Variants in G3BP2 observed in about 807,000 individuals in gnomAD.
G3BP2 encodes the protein ras GTPase-activating protein-binding protein 2.
Under a neutral mutation model 56.7 loss-of-function variants are expected in G3BP2, and 11 were observed. The ratio of observed to expected loss-of-function variants is 0.19; its 90% CI spans 0.12 to 0.32. The LOEUF (loss-of-function observed/expected upper bound fraction) is 0.32. Among genes scored for constraint, G3BP2 ranks in the 10% least tolerant of loss-of-function variants. The pLI is 1.00. For missense variants in G3BP2, 340 were observed against 610.9 expected (o/e 0.56, Z 4.67); for synonymous variants, 165 against 191.6 (o/e 0.86, Z 1.15).
intron 2 of G3BP2, among the ~76,000 whole-genome samples, chr4:75,661,107 T>C (rs1265524483): frequency 2.6e-5 from 4 of 152,176 alleles, no homozygotes; most frequent in Admixed American, 1.3e-4. Context: ...AATTGCATAT[T>C]GGAACCCATT....
upstream of G3BP2, chr4:75,673,546 A>C: frequency 8.1e-7 from 1 of 1,232,068 alleles, no homozygotes; most frequent in Non-Finnish European, 1.0e-6. Context: ...CCCTCTGCGG[A>C]GCACGCGCAG....
intron 3 of G3BP2, among the ~76,000 whole-genome samples, chr4:75,688,168 T>C (rs1718694541): frequency 7.0e-6 from 1 of 142,038 alleles, no homozygotes; most frequent in African/African-American, 2.6e-5. Flanking sequence ...GTGCCTTCCT[T>C]CTTTTTTTTT....
intron 1 of G3BP2, among the ~76,000 whole-genome samples, chr4:75,723,319 T>C (rs1720254861): frequency 6.6e-6 from 1 of 152,184 alleles, no homozygotes; most frequent in South Asian, 2.1e-4. Context: ...AGGAATGACA[T>C]GAACAGATGT....
intron 8 of G3BP2, among the ~76,000 whole-genome samples, chr4:75,651,236 A>G (rs1264368656): frequency 1.3e-5 from 2 of 152,234 alleles, no homozygotes; most frequent in Non-Finnish European, 2.9e-5. Context: ...ATTAATAAAA[A>G]CACTAAATGC....
intron 8 of G3BP2, among the ~76,000 whole-genome samples, chr4:75,653,430 GACAA>G (rs775969517): frequency 1.2e-4 from 18 of 151,982 alleles, no homozygotes; most frequent in African/African-American, 1.9e-4. Context: ...TGGGTAAGAT[GACAA>G]ACAGACAAAA....
intron 3 of G3BP2, 136 bp downstream of exon 3, chr4:75,658,707 A>G: frequency 1.5e-6 from 1 of 659,856 alleles, no homozygotes; most frequent in East Asian, 2.7e-5. Flanking sequence ...AGCCTGGGCA[A>G]CAAGAGCAAA....
At chr4:75,684,417 T>G (rs988741826) in intron 3 of G3BP2, among the ~76,000 whole-genome samples, 1 of 150,704 alleles carries the variant, frequency 6.6e-6, no homozygotes, top group African/African-American at 2.4e-5. Context: ...AATAAATAAA[T>G]AAATAAAAAT....
At chr4:75,686,088 G>A (rs545158230) in intron 3 of G3BP2, among the ~76,000 whole-genome samples, 1 of 152,246 alleles carries the variant, frequency 6.6e-6, no homozygotes, top group South Asian at 2.1e-4. Context: ...AGCACTAACA[G>A]TGTGCTTAAA....
At chr4:75,708,908 C>T (rs1260645449) in intron 3 of G3BP2, among the ~76,000 whole-genome samples, 1 of 152,122 alleles carries the variant, frequency 6.6e-6, no homozygotes, top group African/African-American at 2.4e-5. Context: ...CCCAGGAATT[C>T]AAGAACAGCC....
At chr4:75,700,534 C>T (rs1289211534) in intron 3 of G3BP2, among the ~76,000 whole-genome samples, 1 of 147,520 alleles carries the variant, frequency 6.8e-6, no homozygotes, top group Non-Finnish European at 1.5e-5. Flanking sequence ...GATTCTCCTG[C>T]CTCAGCCTCC....
chr4:75,713,925 C>G (rs1190554772), intron 3 of G3BP2, among the ~76,000 whole-genome samples: 1 of 152,166 alleles, frequency 6.6e-6, no homozygotes, highest in African/African-American at 2.4e-5. Context: ...TCAGACAAAC[C>G]TAAATTGAGG....
intron 3 of G3BP2, among the ~76,000 whole-genome samples, chr4:75,688,472 A>C (rs2149077700): frequency 6.6e-6 from 1 of 152,234 alleles, no homozygotes; most frequent in Admixed American, 6.5e-5. Flanking sequence ...CAATGCTTTG[A>C]ATGCTCTGTT....
chr4:75,719,611 A>AC (rs925888502), intron 3 of G3BP2, among the ~76,000 whole-genome samples: 9 of 151,972 alleles, frequency 5.9e-5, no homozygotes, highest in Non-Finnish European at 1.2e-4. Flanking sequence ...CTTTTTTGAG[A>AC]CGGAGTTTCG....
intron 1 of G3BP2, among the ~76,000 whole-genome samples, chr4:75,667,788 GC>G (rs1733173129): frequency 6.6e-6 from 1 of 152,142 alleles, no homozygotes; most frequent in Non-Finnish European, 1.5e-5. Context: ...TACTCAGGAG[GC>G]TAAGGCAGCA....
intron 3 of G3BP2, among the ~76,000 whole-genome samples, chr4:75,681,616 G>A (rs1734075708): frequency 6.6e-6 from 1 of 152,004 alleles, no homozygotes; most frequent in African/African-American, 2.4e-5. Context: ...TTGGGAGGCT[G>A]AGGCAGGTGG....
At chr4:75,704,311 G>C (rs1158956591) in intron 3 of G3BP2, among the ~76,000 whole-genome samples, 1 of 151,756 alleles carries the variant, frequency 6.6e-6, no homozygotes, top group Non-Finnish European at 1.5e-5. Flanking sequence ...GCCCCCGCCG[G>C]ACCTGTTTGT....
upstream of G3BP2, among the ~76,000 whole-genome samples, chr4:75,676,674 T>G (rs1733889422): frequency 6.6e-6 from 1 of 152,234 alleles, no homozygotes; most frequent in Non-Finnish European, 1.5e-5. Context: ...CTGTTACTGC[T>G]GCTATAGTAG....
intron 3 of G3BP2, among the ~76,000 whole-genome samples, chr4:75,712,406 T>C (rs1719791820): frequency 6.6e-6 from 1 of 152,200 alleles, no homozygotes; most frequent in Non-Finnish European, 1.5e-5. Context: ...TGTAAAATTC[T>C]CAGTTAAATA....
chr4:75,685,248 C>T (rs1718543719), intron 3 of G3BP2, among the ~76,000 whole-genome samples: 1 of 151,554 alleles, frequency 6.6e-6, no homozygotes, highest in Non-Finnish European at 1.5e-5. Flanking sequence ...CGCCTGTAAT[C>T]CCAGCACTTT....
Sources: gnomAD v4.1 joint callset for allele counts (sites outside exome capture counted in the v4.1 genomes callset) on GRCh38, gnomAD v4.1.1 for gene constraint, MANE v1.5 for transcripts, NCBI Gene and HGNC (gene_info 2026-07-23, HGNC 2026-07-21) for gene names.